Variants in NPEPPS observed in about 807,000 individuals in gnomAD.
The protein encoded by NPEPPS is aminopeptidase puromycin sensitive, also known as puromycin-sensitive aminopeptidase.
A neutral mutation model predicts 115.5 loss-of-function variants in NPEPPS; 14 were observed. The observed-to-expected ratio is 0.12, with a 90% CI of 0.08 to 0.19. The LOEUF is 0.19. NPEPPS is among the 10% of genes least tolerant of loss of function. The pLI, the probability that NPEPPS is intolerant of heterozygous loss-of-function variation, is 1.00. For missense variants in NPEPPS, 523 were observed against 1,110.8 expected, an observed-to-expected ratio of 0.47 and a Z score of 7.52; for synonymous variants, 285 against 390.6, an observed-to-expected ratio of 0.73 and a Z score of 3.19.
intron 2 of NPEPPS, among the ~76,000 whole-genome samples, chr17:47,547,152 C>G (rs1214561324): frequency 1.3e-5 from 2 of 151,840 alleles, no homozygotes; most frequent in Non-Finnish European, 2.9e-5. Flanking sequence ...GAAGAACATG[C>G]TAAAAAGAAA....
At chr17:47,524,179 C>T (rs1351735401) in intron 1 of NPEPPS, among the ~76,000 whole-genome samples, 2 of 151,566 alleles carry the variant, frequency 1.3e-5, no homozygotes, top group Non-Finnish European at 2.9e-5. Context: ...TGGTGGCAGG[C>T]ACCTGTAATC....
At chr17:47,577,727 T>A (rs1301299300) in intron 3 of NPEPPS, among the ~76,000 whole-genome samples, 1 of 152,224 alleles carries the variant, frequency 6.6e-6, no homozygotes, top group Non-Finnish European at 1.5e-5. Context: ...GTGGTGACTT[T>A]GCTCTAAAGG....
At chr17:47,549,932 A>ATT (rs568065668) in intron 2 of NPEPPS, among the ~76,000 whole-genome samples, 3 of 143,282 alleles carry the variant, frequency 2.1e-5, no homozygotes, top group South Asian at 2.2e-4. Flanking sequence ...GCTTCTTTTA[A>ATT]TTTTTTTTTT....
intron 1 of NPEPPS, among the ~76,000 whole-genome samples, chr17:47,543,668 A>C (rs991813203): frequency 3.3e-5 from 5 of 151,760 alleles, no homozygotes; most frequent in African/African-American, 1.2e-4. Flanking sequence ...AAAAATATTA[A>C]AGTTTTTCAG....
chr17:47,595,219 C>T (rs574992523), intron 12 of NPEPPS, among the ~76,000 whole-genome samples: 1 of 152,320 alleles, frequency 6.6e-6, no homozygotes, highest in African/African-American at 2.4e-5. Context: ...GTGTGAGCCA[C>T]TGCACCCAGC....
At chr17:47,576,350 G>T (rs1911521382) in intron 3 of NPEPPS, among the ~76,000 whole-genome samples, 1 of 152,142 alleles carries the variant, frequency 6.6e-6, no homozygotes, top group African/African-American at 2.4e-5. Context: ...AAATTAGTCA[G>T]GCCTGGTGGC....
intron 4 of NPEPPS, 170 bp from the exon 5 acceptor site, chr17:47,582,572 A>T (rs1382163909): frequency 1.5e-6 from 1 of 667,532 alleles, no homozygotes. Flanking sequence ...AGTGGTAGCA[A>T]GTGTTGTCTT....
rs1318894105 is a variant in NPEPPS, at chr17:47,541,671, A to G, written c.256-4238A>G. Among the ~76,000 whole-genome samples the G allele has an allele frequency of 2.6e-5, 4 of 152,082 alleles. No homozygotes were observed. In the East Asian group the frequency reaches 5.8e-4, roughly 22 times the overall value. ...ATTACAGGCATGAGCCGTCGTGCCC[A>G]GCCATGTTTCTGAATTTTTAAGTCA... On this transcript the variant is annotated intron_variant, in intron 1 of 22. Transcript: ENST00000322157.
At chr17:47,562,908 G>A (rs1169347937) in intron 2 of NPEPPS, among the ~76,000 whole-genome samples, 1 of 151,522 alleles carries the variant, frequency 6.6e-6, no homozygotes, top group African/African-American at 2.4e-5. Context: ...TTTAAAACGT[G>A]GTCTTTATAT....
intron 1 of NPEPPS, among the ~76,000 whole-genome samples, chr17:47,543,891 GTTTATTTATTTA>G (rs149949702): frequency 0.03 from 4,275 of 141,110 alleles, 90 homozygotes; most frequent in East Asian, 0.11. Context: ...TTGTTTGTTT[GTTTATTTATTTA>G]TTTATTTTTG....
At chr17:47,543,647 A>G (rs960635474) in intron 1 of NPEPPS, among the ~76,000 whole-genome samples, 1 of 151,912 alleles carries the variant, frequency 6.6e-6, no homozygotes, top group African/African-American at 2.4e-5. Flanking sequence ...TTTAATACCC[A>G]TTAGATTGTC....
At chr17:47,561,954 G>A (rs984892887) in intron 2 of NPEPPS, among the ~76,000 whole-genome samples, 1 of 152,232 alleles carries the variant, frequency 6.6e-6, no homozygotes, top group Non-Finnish European at 1.5e-5. Flanking sequence ...CCATGCTTCA[G>A]TCGTGACTGT....
At chr17:47,572,787 C>A (rs1911274831) in intron 3 of NPEPPS, among the ~76,000 whole-genome samples, 1 of 152,032 alleles carries the variant, frequency 6.6e-6, no homozygotes, top group Non-Finnish European at 1.5e-5. Flanking sequence ...TTTTTATTTT[C>A]ATTTTTGCAA....
chr17:47,611,182 G>A (rs1241426642), intron 17 of NPEPPS, among the ~76,000 whole-genome samples: 1 of 151,788 alleles, frequency 6.6e-6, no homozygotes, highest in Non-Finnish European at 1.5e-5. Flanking sequence ...GGGTCGGCTG[G>A]GTGGCAGTGG....
At chr17:47,531,731 T>TGGGGCTGGGGCC (rs1273817877) in intron 1 of NPEPPS, among the ~76,000 whole-genome samples, 176 bp downstream of exon 1, 4 of 18,858 alleles carry the variant, frequency 2.1e-4, no homozygotes, top group Non-Finnish European at 3.1e-4. Context: ...GGGCTGGGGC[T>TGGGGCTGGGGCC]GGGGCTGGGG....
chr17:47,599,685 G>A lies in NPEPPS; in HGVS notation c.1546G>A (p.Asp516Asn). The A allele has an allele frequency of 6.4e-7, 1 of 1,560,944 alleles. No individual in the cohort carries two copies. Among genetic ancestry groups the A allele is most frequent in the Non-Finnish European group, 8.7e-7 (1 of 1,150,992 alleles). Residue 516 changes from aspartate (D) to asparagine (N), a missense_variant, in exon 14 of 23, where the codon GAC becomes AAC. Coordinates refer to ENST00000322157, the MANE Select transcript of NPEPPS (RefSeq NM_006310.4). The stretch of plus-strand genomic sequence containing the variant: ...TGTTTTGCTTCTTTAGGTAGAAGAT[G>A]ACAGATTATTGAGGTTGTCCCAAAA... The part of the protein sequence containing the change: ...IYVEAEQVED[D>N]RLLRLSQKKF...
At chr17:47,567,546 G>T in intron 2 of NPEPPS, among the ~76,000 whole-genome samples, 1 of 151,934 alleles carries the variant, frequency 6.6e-6, no homozygotes, top group South Asian at 2.1e-4. Flanking sequence ...TAGCTTTATT[G>T]ATGTATAATT....
At chr17:47,555,575 G>A (rs556266188) in intron 2 of NPEPPS, among the ~76,000 whole-genome samples, 9 of 150,878 alleles carry the variant, frequency 6.0e-5, no homozygotes, top group Non-Finnish European at 1.2e-4. Flanking sequence ...TCGAACCTCC[G>A]ACCACAGGTG....
At chr17:47,530,095 C>A (rs956240556), upstream of NPEPPS, among the ~76,000 whole-genome samples, 2 of 68,182 alleles carry the variant, frequency 2.9e-5, no homozygotes, top group African/African-American at 1.1e-4. Context: ...CGCCACCAAG[C>A]CCGGCTATTT....
Sources: gnomAD v4.1 joint callset for allele counts (sites outside exome capture counted in the v4.1 genomes callset) on GRCh38, gnomAD v4.1.1 for gene constraint, MANE v1.5 for transcripts, NCBI Gene and HGNC (gene_info 2026-07-23, HGNC 2026-07-21) for gene names.